RASA1: variants seen among roughly 807,000 people sequenced by gnomAD.
RASA1 encodes the protein RAS p21 protein activator 1, also known as ras GTPase-activating protein 1.
RASA1 carries 25 observed loss-of-function variants against 132.2 expected under a neutral mutation model. The observed-to-expected ratio is 0.19, with a 90% confidence interval of 0.14 to 0.26. The LOEUF is 0.26. RASA1 is among the 10% of genes least tolerant of loss of function. The pLI is 1.00. For missense variants in RASA1, 964 were observed against 1,299.2 expected (o/e 0.74, Z 3.97); for synonymous variants, 477 against 449.9 (o/e 1.06, Z -0.76).
At chr5:87,286,740 T>C (rs549903004) in intron 1 of RASA1, among the ~76,000 whole-genome samples, 2 of 151,564 alleles carry the variant, frequency 1.3e-5, no homozygotes, top group Non-Finnish European at 2.9e-5. Flanking sequence ...TCAGATATAA[T>C]TTTGACCATG....
intron 23 of RASA1, among the ~76,000 whole-genome samples, 154 bp downstream of exon 23, chr5:87,387,057 A>C (rs1160245550): frequency 6.6e-6 from 1 of 152,160 alleles, no homozygotes; most frequent in African/African-American, 2.4e-5. Context: ...AACAAAAAAC[A>C]TATTTTTGTT....
At chr5:87,372,059 T>G in intron 12 of RASA1, 59 bp from the exon 13 acceptor site, 1 of 1,477,674 alleles carries the variant, frequency 6.8e-7, no homozygotes, top group African/African-American at 1.4e-5. Context: ...ACCTAACTGA[T>G]GATTTGGAAG....
At chr5:87,271,530 G>C (rs1753838755) in intron 1 of RASA1, among the ~76,000 whole-genome samples, 1 of 137,394 alleles carries the variant, frequency 7.3e-6, no homozygotes, top group African/African-American at 2.8e-5. Flanking sequence ...GTGAAGTGGC[G>C]TGTTTTCGGC....
At chr5:87,383,676 T>C (rs1449980030) in intron 20 of RASA1, 37 bp from the exon 21 acceptor site, 23 of 1,400,786 alleles carry the variant, frequency 1.6e-5, no homozygotes, top group Middle Eastern at 1.8e-4. Context: ...ATAGGTGTTT[T>C]CTAAAAAAAA....
intron 1 of RASA1, among the ~76,000 whole-genome samples, chr5:87,292,072 T>G (rs1174191256): frequency 2.6e-5 from 4 of 152,226 alleles, no homozygotes; most frequent in African/African-American, 9.6e-5. Flanking sequence ...ATAACAGTCC[T>G]TTACCAGATG....
chr5:87,348,383 T>C lies in RASA1; in HGVS notation c.1103-831T>C, dbSNP rs200622261. On this transcript the variant is annotated intron_variant, in intron 7 of 24. Coordinates refer to ENST00000274376, the MANE Select transcript of RASA1 (RefSeq NM_002890.3). ...CTGATCTTTTCTGGATCATTTGAAC[T>C]TAAATGGAGAAAAGGCAGAGCATCT... Among the ~76,000 whole-genome samples the C allele has an allele frequency of 2.0e-5, 3 of 151,968 alleles. No homozygotes were observed. The East Asian group carries it at 5.8e-4, about 29-fold the overall frequency.
chr5:87,391,004 T>A lies in RASA1; in HGVS notation c.*121T>A. ...CACTTTTCCACATTCCAGTGATGTG[T>A]GAGCTATGCAAACAAAATCCAAGAT... On this transcript the variant is annotated 3_prime_UTR_variant, in exon 25 of 25. Coordinates refer to ENST00000274376, the MANE Select transcript of RASA1 (RefSeq NM_002890.3). 1 of 994,998 alleles carries A rather than the reference T, an allele frequency of 1.0e-6. No individual in the cohort carries two copies. The highest frequency in any genetic ancestry group is 1.3e-5 in the South Asian group (1 of 74,132). 61.6% of individuals were successfully genotyped at this position (994,998 alleles called of 1,614,324 possible).
At chr5:87,287,451 A>G (rs185852313) in intron 1 of RASA1, among the ~76,000 whole-genome samples, 94 of 148,430 alleles carry the variant, frequency 6.3e-4, no homozygotes, top group African/African-American at 2.3e-3. Flanking sequence ...TACACCATAT[A>G]TATACCATAT....
intron 4 of RASA1, among the ~76,000 whole-genome samples, chr5:87,337,529 T>C (rs1758059878): frequency 1.3e-5 from 2 of 152,182 alleles, no homozygotes; most frequent in Non-Finnish European, 2.9e-5. Flanking sequence ...CTATATCTTA[T>C]GTATGTATAG....
At chr5:87,388,616 C>CTAAG (rs904887470) in intron 23 of RASA1, among the ~76,000 whole-genome samples, 3 of 152,194 alleles carry the variant, frequency 2.0e-5, no homozygotes, top group African/African-American at 7.2e-5. Flanking sequence ...ATTATAGTGA[C>CTAAG]TAAGTTACTT....
At chr5:87,361,523 A>G (rs541209887) in intron 9 of RASA1, among the ~76,000 whole-genome samples, 10 of 152,330 alleles carry the variant, frequency 6.6e-5, no homozygotes, top group African/African-American at 2.4e-4. Context: ...GCAAAATAGT[A>G]AGAACTACTC....
At chr5:87,386,688 G>A in intron 22 of RASA1, 138 bp from the exon 23 acceptor site, 2 of 713,102 alleles carry the variant, frequency 2.8e-6, no homozygotes, top group South Asian at 3.0e-5. Flanking sequence ...ATTGCTACAT[G>A]TATGGGTTTT....
chr5:87,387,461 T>C (rs1762141865), intron 23 of RASA1, among the ~76,000 whole-genome samples: 1 of 152,166 alleles, frequency 6.6e-6, no homozygotes, highest in Non-Finnish European at 1.5e-5. Context: ...GACCCTGCCT[T>C]TCTTAATCAA....
intron 1 of RASA1, among the ~76,000 whole-genome samples, chr5:87,275,327 G>C (rs1022728411): frequency 2.0e-5 from 3 of 152,132 alleles, no homozygotes; most frequent in Non-Finnish European, 4.4e-5. Context: ...GTTATCTATT[G>C]CTGCATAATA....
At chr5:87,322,504 G>A (rs544709250) in intron 1 of RASA1, among the ~76,000 whole-genome samples, 14 of 152,254 alleles carry the variant, frequency 9.2e-5, no homozygotes, top group African/African-American at 3.1e-4. Context: ...GGTGCCGGAG[G>A]TTGGGGACTA....
chr5:87,311,391 T>C (rs1473253576), intron 1 of RASA1, among the ~76,000 whole-genome samples: 1 of 152,216 alleles, frequency 6.6e-6, no homozygotes, highest in East Asian at 1.9e-4. Context: ...TCTGATGAGA[T>C]TGATGGTTGT....
chr5:87,338,219 G>T (rs1758118898), intron 5 of RASA1, 128 bp downstream of exon 5: 3 of 1,422,316 alleles, frequency 2.1e-6, no homozygotes, highest in Non-Finnish European at 2.9e-6. Flanking sequence ...ATAAGTACAA[G>T]AATTATAAGT....
In RASA1 at chr5:87,331,624, C is replaced by T. The variant is rs1580280442; in HGVS notation, c.692+124C>T. 3.7e-6 allele frequency: 4 copies of T among 1,089,500 alleles called. No individual in the cohort carries two copies. The East Asian group carries it at 1.0e-4, about 28-fold the overall frequency. The allele number at this position is 1,089,500 out of a possible 1,614,324, so 67.5% of individuals were successfully genotyped here. ...AATAATAGAGAAGGAAGCTTGTTTT[C>T]AGTCAAATGATTTAATCAGTGATTT... On this transcript the variant is annotated intron_variant, in intron 2 of 24. Coordinates refer to ENST00000274376, the MANE Select transcript of RASA1 (RefSeq NM_002890.3).
chr5:87,356,867 A>G (rs1286974876), intron 9 of RASA1, among the ~76,000 whole-genome samples: 5 of 152,176 alleles, frequency 3.3e-5, no homozygotes, highest in South Asian at 4.1e-4. Context: ...AGGTATGCCT[A>G]TATTTTCCTT....
Sources: gnomAD v4.1 joint callset for allele counts (sites outside exome capture counted in the v4.1 genomes callset) on GRCh38, gnomAD v4.1.1 for gene constraint, MANE v1.5 for transcripts, NCBI Gene and HGNC (gene_info 2026-07-23, HGNC 2026-07-21) for gene names.